The following MTFP1 variants were observed in gnomAD, a reference collection of about 807,000 sequenced individuals.
The protein encoded by MTFP1 is mitochondrial fission process protein 1.
Under a neutral mutation model 17.1 loss-of-function variants are expected in MTFP1, and 19 were observed. The ratio of observed to expected loss-of-function variants is 1.11; its 90% CI spans 0.77 to 1.63. MTFP1 has a LOEUF of 1.63. Ranked by LOEUF, MTFP1 falls within the 40% of genes most tolerant of loss-of-function variation. The pLI, the probability that MTFP1 is intolerant of heterozygous loss-of-function variation, is 0.00. For synonymous variants in MTFP1, 89 were observed against 95.2 expected (o/e 0.93, Z 0.38); for missense variants, 221 against 226.2 (o/e 0.98, Z 0.15).
Position 30,428,620 on chromosome 22 carries a change from C to A in MTFP1, c.*86C>A. 1 of 1,614,144 alleles carries A rather than the reference C, an allele frequency of 6.2e-7. No individual in the cohort carries two copies. The highest frequency in any genetic ancestry group is 8.5e-7 in the Non-Finnish European group (1 of 1,180,020). On this transcript the variant is annotated 3_prime_UTR_variant, in exon 4 of 4. Transcript: ENST00000266263. ...GCCAGGGAATGTGGACACCTGGCTC[C>A]CTGGTGTCCAAAGACCCTGGCACCT...
intron 2 of MTFP1, 126 bp downstream of exon 2, chr22:30,426,970 C>A: frequency 6.7e-7 from 1 of 1,489,608 alleles, no homozygotes; most frequent in Non-Finnish European, 9.2e-7. Context: ...CTAGTGCAGT[C>A]CATAGACAGT....
chr22:30,427,452 G>C (rs1351276987), intron 3 of MTFP1, 49 bp downstream of exon 3: 1 of 1,542,978 alleles, frequency 6.5e-7, no homozygotes, highest in Non-Finnish European at 9.0e-7. Flanking sequence ...AGTGATGAGA[G>C]TGGATCATCC....
chr22:30,427,390 C>T lies in MTFP1; in HGVS notation c.415C>T (p.His139Tyr). The change falls in exon 3 of 4, where the codon CAC (histidine) becomes TAC (tyrosine). Residue 139 changes from histidine (H) to tyrosine (Y), a missense_variant. Transcript: ENST00000266263. ...LGLLTIPIII[H>Y]PIDRSVDFLL... Reference sequence around the variant, plus strand: ...GCTGTTGACCATCCCCATCATTATCCACCCCATTGACAGGTGGGTACCTTC... The same window carrying T: ...GCTGTTGACCATCCCCATCATTATCTACCCCATTGACAGGTGGGTACCTTC... 1.9e-6 allele frequency: 3 copies of T among 1,614,114 alleles called. No homozygotes were observed. The highest frequency in any genetic ancestry group is 2.5e-6 in the Non-Finnish European group (3 of 1,180,014).
chr22:30,426,804 T>C lies in MTFP1; in HGVS notation c.155T>C (p.Val52Ala). 6.2e-7 allele frequency: 1 copy of C among 1,613,390 alleles called. No individual in the cohort carries two copies. The highest frequency in any genetic ancestry group is 1.1e-5 in the South Asian group (1 of 91,082). Residue 52 changes from valine to alanine, a missense_variant, in exon 2 of 4, where the codon GTG becomes GCG. Val to Ala is a moderately conservative substitution (Grantham distance 64). Transcript: ENST00000266263. ...WLSYGVASSY[V>A]LADAIDKGKK... ...AGCTATGGCGTGGCCAGCTCCTACG[T>C]GCTGGCGGATGCCATTGACAAAGGC...
Position 30,426,715 on chromosome 22 carries a change from A to T in MTFP1, c.68-2A>T. On this transcript the variant is annotated splice_acceptor_variant, in intron 1 of 3. Transcript: ENST00000266263. LOFTEE classifies it high-confidence loss of function. ...CTAGGAATTAAATGTTCCCTCCCCC[A>T]GGCTATGCCAATGAGGTGGGCGAGG... 1.2e-6 allele frequency: 2 copies of T among 1,613,948 alleles called. No homozygotes were observed. Among genetic ancestry groups the T allele is most frequent in the Middle Eastern group, 1.7e-4 (1 of 6,060 alleles).
chr22:30,428,501 C>T lies in MTFP1; in HGVS notation c.468C>T (p.Leu156=), dbSNP rs200885673. ...DFLLDSSLRK[L]YPTVGKPSSS Reference sequence around the variant, plus strand: ...TCCTGGACTCCAGCCTGCGCAAGCTCTACCCAACAGTGGGGAAGCCCAGCT... The same window carrying T: ...TCCTGGACTCCAGCCTGCGCAAGCTTTACCCAACAGTGGGGAAGCCCAGCT... Residue 156 remains leucine (L), a synonymous_variant, in exon 4 of 4, where the codon CTC becomes CTT. Coordinates refer to ENST00000266263, the MANE Select transcript of MTFP1 (RefSeq NM_016498.5). 8.7e-6 allele frequency: 14 copies of T among 1,614,198 alleles called. No homozygotes were observed. The East Asian group carries it at 2.7e-4, about 31-fold the overall frequency.
At chr22:30,426,618 C>G in intron 1 of MTFP1, 99 bp from the exon 2 acceptor site, 3 of 1,498,618 alleles carry the variant, frequency 2.0e-6, no homozygotes, top group Non-Finnish European at 2.7e-6. Context: ...CCTAAGGTCA[C>G]CCAGGGACTG....
intron 1 of MTFP1, among the ~76,000 whole-genome samples, chr22:30,426,378 C>T (rs189386946): frequency 1.3e-4 from 20 of 152,340 alleles, no homozygotes; most frequent in Middle Eastern, 6.8e-3. Flanking sequence ...AGCCCTGGCA[C>T]TTGGCGAGCG....
In MTFP1 at chr22:30,426,736, C is replaced by T. The variant is rs138977455; in HGVS notation, c.87C>T (p.Gly29=). Reference sequence around the variant, plus strand: ...CCCCAGGCTATGCCAATGAGGTGGGCGAGGCTTTCCGCTCTCTTGTGCCAG... The same window carrying T: ...CCCCAGGCTATGCCAATGAGGTGGGTGAGGCTTTCCGCTCTCTTGTGCCAG... The part of the protein sequence containing the change: ...VRYLGYANEV[G]EAFRSLVPAA... The change falls in exon 2 of 4, where the codon GGC becomes GGT. Residue 29 remains glycine (G), a synonymous_variant. Coordinates refer to ENST00000266263, the MANE Select transcript of MTFP1 (RefSeq NM_016498.5). 1.2e-6 allele frequency: 2 copies of T among 1,614,034 alleles called. No homozygotes were observed. The highest frequency in any genetic ancestry group is 1.7e-6 in the Non-Finnish European group (2 of 1,179,982).
At chr22:30,426,579 A>C in intron 1 of MTFP1, 138 bp from the exon 2 acceptor site, 1 of 1,156,608 alleles carries the variant, frequency 8.6e-7, no homozygotes, top group Non-Finnish European at 1.2e-6. Context: ...CATCTCGGAA[A>C]GGGAGGCTCA....
chr22:30,425,978 A>G (rs1299363301), intron 1 of MTFP1, 32 bp downstream of exon 1: 9 of 1,486,274 alleles, frequency 6.1e-6, no homozygotes, highest in Non-Finnish European at 8.0e-6. Flanking sequence ...CGGCGACCCC[A>G]CCACCACTGG....
Position 30,428,825 on chromosome 22 carries a change from T to TG in MTFP1, c.*293dup. 2.9e-6 allele frequency: 2 copies of TG among 693,506 alleles called. No individual in the cohort carries two copies. The highest frequency in any genetic ancestry group is 1.8e-5 in the African/African-American group (1 of 55,616). The allele number at this position is 693,506 out of a possible 1,614,324, so 43.0% of individuals were successfully genotyped here. On this transcript the variant is annotated 3_prime_UTR_variant, in exon 4 of 4. Transcript: ENST00000266263. ...TTTTCAGGAAAATTACATCCTCCCA[T>TG]GGAGGATGAGAGACTGAGGCTCAGG...
In MTFP1 at chr22:30,427,354, AC is replaced by A; in HGVS notation, c.381del (p.Ala128ArgfsTer5). ...WPLAVRKWTT[T>X]ALGLLTIPII... is the part of the protein sequence containing the mutation. Reference sequence around the variant, plus strand: ...CCTGGCTGTCCGCAAGTGGACCACCACCGCGCTTGGGCTGTTGACCATCCCC... The same window carrying A: ...CCTGGCTGTCCGCAAGTGGACCACCACGCGCTTGGGCTGTTGACCATCCCC... On this transcript the variant is annotated frameshift_variant, in exon 3 of 4. Coordinates refer to ENST00000266263, the MANE Select transcript of MTFP1 (RefSeq NM_016498.5). LOFTEE classifies it high-confidence loss of function. 6.2e-7 allele frequency: 1 copy of A among 1,614,114 alleles called. No individual in the cohort carries two copies. Among genetic ancestry groups the A allele is most frequent in the Non-Finnish European group, 8.5e-7 (1 of 1,180,030 alleles).
At chr22:30,426,575 G>A (rs1934672389) in intron 1 of MTFP1, 142 bp from the exon 2 acceptor site, 4 of 1,137,420 alleles carry the variant, frequency 3.5e-6, no homozygotes, top group Non-Finnish European at 2.5e-6. Flanking sequence ...TTTACATCTC[G>A]GAAAGGGAGG....
chr22:30,426,810 C>G lies in MTFP1; in HGVS notation c.161C>G (p.Ala54Gly). The G allele has an allele frequency of 1.2e-6, 2 of 1,613,152 alleles. No individual in the cohort carries two copies. The highest frequency in any genetic ancestry group is 1.7e-6 in the Non-Finnish European group (2 of 1,180,004). Reference sequence around the variant, plus strand: ...GGCGTGGCCAGCTCCTACGTGCTGGCGGATGCCATTGACAAAGGCAAGAAG... The same window carrying G: ...GGCGTGGCCAGCTCCTACGTGCTGGGGGATGCCATTGACAAAGGCAAGAAG... ...SYGVASSYVL[A>G]DAIDKGKKAG... The change falls in exon 2 of 4, where the codon GCG (alanine) becomes GGG (glycine). Residue 54 changes from alanine to glycine, a missense_variant. By Grantham distance (60) the Ala-to-Gly change is moderately conservative (BLOSUM62 0). Coordinates refer to ENST00000266263, the MANE Select transcript of MTFP1 (RefSeq NM_016498.5).
rs144658742 is a variant in MTFP1 at position 30,427,320 on chromosome 22, C to T, written c.345C>T (p.Thr115=). The change falls in exon 3 of 4, where the codon ACC becomes ACT. Residue 115 remains threonine (T), a synonymous_variant. Transcript: ENST00000266263. ...CTCTCTATGTCCTGGGCACTGCCACCCGCTGGCCCCTGGCTGTCCGCAAGT... is the reference window on the plus strand; with the variant it reads ...CTCTCTATGTCCTGGGCACTGCCACTCGCTGGCCCCTGGCTGTCCGCAAGT... ...AASLYVLGTA[T]RWPLAVRKWT... 37 of 1,614,152 alleles carry T rather than the reference C, an allele frequency of 2.3e-5. No homozygotes were observed. The African/African-American group carries it at 4.8e-4, about 21-fold the overall frequency.
At chr22:30,426,655 C>A in intron 1 of MTFP1, 62 bp from the exon 2 acceptor site, 1 of 1,598,214 alleles carries the variant, frequency 6.3e-7, no homozygotes, top group East Asian at 2.3e-5. Context: ...GAGAACCAGC[C>A]TGCTCCAACG....
Position 30,427,241 on chromosome 22 carries a change from C to T in MTFP1, c.266C>T (p.Ala89Val). Residue 89 changes from alanine to valine, a missense_variant, in exon 3 of 4, where the codon GCT (alanine) becomes GTT (valine). Coordinates refer to ENST00000266263, the MANE Select transcript of MTFP1 (RefSeq NM_016498.5). ...VAVVDTFVWQ[A>V]LASVAIPGFT... The stretch of plus-strand genomic sequence containing the variant: ...GTGGTGGACACCTTTGTATGGCAGG[C>T]TCTAGCCTCTGTGGCCATTCCGGGC... 6.2e-7 allele frequency: 1 copy of T among 1,614,082 alleles called. No individual in the cohort carries two copies. The highest frequency in any genetic ancestry group is 8.5e-7 in the Non-Finnish European group (1 of 1,180,040).
chr22:30,426,812 GA>G lies in MTFP1; in HGVS notation c.164del (p.Asp55ValfsTer23), dbSNP rs756634877. 4 of 1,613,096 alleles carry G rather than the reference GA, an allele frequency of 2.5e-6. No individual in the cohort carries two copies. The highest frequency in any genetic ancestry group is 3.4e-6 in the Non-Finnish European group (4 of 1,180,004). ...YGVASSYVLADAIDKGKKAGE... is the reference protein window; with the variant it reads ...YGVASSYVLAXAIDKGKKAGE... ...CGTGGCCAGCTCCTACGTGCTGGCG[GA>G]TGCCATTGACAAAGGCAAGAAGGCT... On this transcript the variant is annotated frameshift_variant, in exon 2 of 4. Coordinates refer to ENST00000266263, the MANE Select transcript of MTFP1 (RefSeq NM_016498.5). LOFTEE classifies it high-confidence loss of function.
Sources: allele counts gnomAD v4.1 joint callset (sites outside exome capture counted in the v4.1 genomes callset), GRCh38; gene constraint gnomAD v4.1.1; transcripts MANE v1.5; gene names NCBI Gene and HGNC (gene_info 2026-07-23, HGNC 2026-07-21).